ZNF804A: variants seen among roughly 807,000 people sequenced by gnomAD.
The protein encoded by ZNF804A is zinc finger protein 804A.
Under a neutral mutation model 16.5 loss-of-function variants are expected in ZNF804A, and 2 were observed. The ratio of observed to expected loss-of-function variants is 0.12; its 90% CI spans 0.05 to 0.38. ZNF804A has a LOEUF of 0.38. ZNF804A is among the 10% of genes least tolerant of loss of function. The pLI, the probability that ZNF804A is intolerant of heterozygous loss-of-function variation, is 0.99. For missense variants in ZNF804A, 1,473 were observed against 1,390.7 expected (o/e 1.06, Z -0.94); for synonymous variants, 534 against 489.6 (o/e 1.09, Z -1.20).
At chr2:184,922,323 A>C (rs1272593600) in intron 2 of ZNF804A, among the ~76,000 whole-genome samples, 1 of 151,994 alleles carries the variant, frequency 6.6e-6, no homozygotes, top group Non-Finnish European at 1.5e-5. Flanking sequence ...GTCTCATTGC[A>C]GTTTTGATAT....
intron 2 of ZNF804A, among the ~76,000 whole-genome samples, chr2:184,930,196 C>G (rs1464869886): frequency 2.0e-5 from 3 of 152,214 alleles, no homozygotes; most frequent in Middle Eastern, 3.4e-3. Context: ...GACCAAGACC[C>G]TGTATACCTA....
At chr2:184,786,728 G>T (rs933186938) in intron 1 of ZNF804A, among the ~76,000 whole-genome samples, 1 of 151,812 alleles carries the variant, frequency 6.6e-6, no homozygotes, top group East Asian at 1.9e-4. Flanking sequence ...AATAAATAAC[G>T]TTGATTACTT....
At chr2:184,695,465 T>TTAAAAAAAAAA (rs1188268647) in intron 1 of ZNF804A, among the ~76,000 whole-genome samples, 2 of 51,854 alleles carry the variant, frequency 3.9e-5, no homozygotes, top group African/African-American at 1.9e-4. Flanking sequence ...ACTCCGTCAT[T>TTAAAAAAAAAA]AAAAAAAAAA....
intron 1 of ZNF804A, among the ~76,000 whole-genome samples, chr2:184,637,212 C>T: frequency 6.6e-6 from 1 of 151,990 alleles, no homozygotes; most frequent in East Asian, 1.9e-4. Context: ...TAGGTGGTTC[C>T]TTTAGAACTC....
intron 1 of ZNF804A, among the ~76,000 whole-genome samples, chr2:184,749,880 C>T (rs1156826853): frequency 6.6e-6 from 1 of 151,122 alleles, no homozygotes; most frequent in Non-Finnish European, 1.5e-5. Flanking sequence ...TACTTTAATA[C>T]TAACTATTAC....
chr2:184,765,972 G>GTCA (rs1291985559), intron 1 of ZNF804A, among the ~76,000 whole-genome samples: 1 of 151,844 alleles, frequency 6.6e-6, no homozygotes, highest in Non-Finnish European at 1.5e-5. Context: ...AACACTTGCC[G>GTCA]TCATGTTATT....
At chr2:184,606,289 G>A (rs144485606) in intron 1 of ZNF804A, among the ~76,000 whole-genome samples, 3 of 152,282 alleles carry the variant, frequency 2.0e-5, no homozygotes, top group African/African-American at 7.2e-5. Context: ...CAATCATGGT[G>A]GATGGTGAGG....
At chr2:184,653,707 T>G (rs1228475646) in intron 1 of ZNF804A, among the ~76,000 whole-genome samples, 1 of 152,202 alleles carries the variant, frequency 6.6e-6, no homozygotes, top group Non-Finnish European at 1.5e-5. Flanking sequence ...GAGGTGAGCA[T>G]GCACAGTGCA....
In ZNF804A at chr2:184,598,630, C is replaced by G; in HGVS notation, c.-330C>G. On this transcript the variant is annotated 5_prime_UTR_variant, in exon 1 of 4. Transcript: ENST00000302277. ...AGCCCCGCTCCGCCCGGCCACCGCGCGGGCACTGACTCCCGCTCGGTTCCG... is the reference window on the plus strand; with the variant it reads ...AGCCCCGCTCCGCCCGGCCACCGCGGGGGCACTGACTCCCGCTCGGTTCCG... 5.5e-6 allele frequency: 1 copy of G among 180,788 alleles called. No individual in the cohort carries two copies. Among genetic ancestry groups the G allele is most frequent in the Non-Finnish European group, 1.1e-5 (1 of 87,030 alleles). The allele number at this position is 180,788 out of a possible 1,614,324, so 11.2% of individuals were successfully genotyped here. A position where few individuals can be genotyped will look rare whatever the true frequency, so the allele number is the denominator to read the frequency against.
chr2:184,787,264 C>T (rs573151298), intron 1 of ZNF804A, among the ~76,000 whole-genome samples: 10 of 152,022 alleles, frequency 6.6e-5, no homozygotes, highest in Non-Finnish European at 1.3e-4. Flanking sequence ...AACTGATAGA[C>T]GCTTAGGTTG....
chr2:184,857,498 T>C (rs1395230513), intron 1 of ZNF804A, among the ~76,000 whole-genome samples: 1 of 152,158 alleles, frequency 6.6e-6, no homozygotes, highest in African/African-American at 2.4e-5. Flanking sequence ...GTCCATTTGG[T>C]CTAAGATGTA....
chr2:184,620,254 T>C (rs758315287), intron 1 of ZNF804A, among the ~76,000 whole-genome samples: 4 of 151,728 alleles, frequency 2.6e-5, no homozygotes, highest in East Asian at 1.9e-4. Flanking sequence ...CATTCCTTCA[T>C]GCAAATCAAA....
rs150769843 is a variant in ZNF804A at position 184,866,467 on chromosome 2, G to A, written c.210G>A (p.Gln70=). ...ELCDKQYYKH[Q]EFDNHINSYD... ...GTGACAAGCAGTACTATAAGCACCA[G>A]GAGTTTGACAATCACATTAATTCAT... is the stretch of plus-strand genomic sequence containing the variant. Residue 70 remains glutamine (Q), a synonymous_variant, in exon 2 of 4, where the codon CAG becomes CAA. Coordinates refer to ENST00000302277, the MANE Select transcript of ZNF804A (RefSeq NM_194250.2). 1.2e-4 allele frequency: 199 copies of A among 1,612,454 alleles called. No individual in the cohort carries two copies. The African/African-American group carries it at 2.5e-3, about 20-fold the overall frequency.
Position 184,734,360 on chromosome 2 carries a change from A to G in ZNF804A, c.112-132009A>G, listed in dbSNP as rs560478912. On this transcript the variant is annotated intron_variant, in intron 1 of 3. Transcript: ENST00000302277. The stretch of plus-strand genomic sequence containing the variant: ...TGCTACATCCTACAAACTTTTGTAA[A>G]TTGTGTTATTTTAATTTAGTTCAAA... Among the ~76,000 whole-genome samples the G allele has an allele frequency of 1.5e-4, 23 of 152,254 alleles. No individual in the cohort carries two copies. In the East Asian group the frequency reaches 3.1e-3, roughly 20 times the overall value.
chr2:184,832,297 C>T (rs949353299), intron 1 of ZNF804A, among the ~76,000 whole-genome samples: 1 of 151,992 alleles, frequency 6.6e-6, no homozygotes, highest in African/African-American at 2.4e-5. Flanking sequence ...AGAATGCTGA[C>T]TTATATGACT....
At position 184,864,419 on chromosome 2, in the gene ZNF804A, C is replaced by T. The variant is rs199975103; in HGVS notation, c.112-1950C>T. Among the ~76,000 whole-genome samples the T allele has an allele frequency of 7.2e-5, 11 of 152,134 alleles. No homozygotes were observed. In the East Asian group the frequency reaches 2.1e-3, roughly 29 times the overall value. On this transcript the variant is annotated intron_variant, in intron 1 of 3. Coordinates refer to ENST00000302277, the MANE Select transcript of ZNF804A (RefSeq NM_194250.2). ...AGGCCCCACCTCCAGCATTGAAAAT[C>T]ACACTTTAACATGAGATTTAGAAGG...
intron 2 of ZNF804A, among the ~76,000 whole-genome samples, chr2:184,878,833 T>C (rs1196845335): frequency 6.6e-6 from 1 of 152,060 alleles, no homozygotes; most frequent in Non-Finnish European, 1.5e-5. Flanking sequence ...ATTTGTTTTT[T>C]TATTCTTTAA....
intron 1 of ZNF804A, among the ~76,000 whole-genome samples, chr2:184,830,662 T>A (rs998322590): frequency 6.6e-6 from 1 of 152,032 alleles, no homozygotes; most frequent in East Asian, 1.9e-4. Flanking sequence ...AGTGGGGAAT[T>A]GGATTTAAAA....
intron 1 of ZNF804A, among the ~76,000 whole-genome samples, chr2:184,716,712 A>G (rs1338538186): frequency 6.6e-6 from 1 of 152,190 alleles, no homozygotes. Flanking sequence ...CAAATATTAT[A>G]TGAGCCAAAT....
Sources: allele counts gnomAD v4.1 joint callset (sites outside exome capture counted in the v4.1 genomes callset), GRCh38; gene constraint gnomAD v4.1.1; transcripts MANE v1.5; gene names NCBI Gene and HGNC (gene_info 2026-07-23, HGNC 2026-07-21).